The following ENTPD1 variants were observed in gnomAD, a reference collection of about 807,000 sequenced individuals.
ENTPD1 encodes the protein ectonucleoside triphosphate diphosphohydrolase 1.
Under a neutral mutation model 57.0 loss-of-function variants are expected in ENTPD1, and 33 were observed. The observed-to-expected ratio is 0.58, with a 90% CI of 0.44 to 0.77. The LOEUF (loss-of-function observed/expected upper bound fraction) is 0.77, where lower values mean the gene tolerates loss of function less well. Among genes scored for constraint, ENTPD1 ranks in the 30% least tolerant of loss-of-function variants. The probability of loss-of-function intolerance (pLI) is 0.00; values close to 1 mark genes in which losing one functional copy is unlikely to be tolerated. For missense variants in ENTPD1, 501 were observed against 603.4 expected, an observed-to-expected ratio of 0.83 and a Z score of 1.78; for synonymous variants, 202 against 218.8, an observed-to-expected ratio of 0.92 and a Z score of 0.68.
At chr10:95,769,197 TAAAGGC>T (rs2098104463) in intron 1 of ENTPD1, among the ~76,000 whole-genome samples, 2 of 152,224 alleles carry the variant, frequency 1.3e-5, no homozygotes, top group South Asian at 2.1e-4. Context: ...TCCAGAGGCA[TAAAGGC>T]ATTCAGGAAG....
intron 1 of ENTPD1, among the ~76,000 whole-genome samples, chr10:95,818,781 C>T (rs1012681518): frequency 1.3e-5 from 2 of 152,132 alleles, no homozygotes; most frequent in Non-Finnish European, 2.9e-5. Context: ...GTTGGAGGAA[C>T]GACAACGCCA....
rs796069594 is a variant in ENTPD1 at position 95,866,529 on chromosome 10, CCTTT to C, written c.*151_*154del. 164 of 1,519,396 alleles carry C rather than the reference CCTTT, an allele frequency of 1.1e-4. 2 individuals are homozygous for C. The African/African-American group carries it at 2.2e-3, about 20-fold the overall frequency. 94.1% of individuals were successfully genotyped at this position (1,519,396 alleles called of 1,614,324 possible). ...GAAGCTTCCTTGGCTTTTACTGAAG[CCTTT>C]CTTTTGGAGGTATTCAATATCCTTT... is the stretch of plus-strand genomic sequence containing the variant. On this transcript the variant is annotated 3_prime_UTR_variant, in exon 10 of 10. Transcript: ENST00000371205.
intron 1 of ENTPD1, among the ~76,000 whole-genome samples, chr10:95,773,316 T>G (rs888049883): frequency 6.6e-6 from 1 of 152,206 alleles, no homozygotes; most frequent in African/African-American, 2.4e-5. Flanking sequence ...GAATGGATGT[T>G]GTATTAGCAG....
At chr10:95,861,785 T>A (rs1008269885) in intron 8 of ENTPD1, 1 of 152,024 alleles carries the variant, frequency 6.6e-6, no homozygotes, top group Non-Finnish European at 1.5e-5. Flanking sequence ...CTGGTTTAGA[T>A]TAAAAGTTCT....
intron 7 of ENTPD1, among the ~76,000 whole-genome samples, chr10:95,848,896 C>T (rs1376409978): frequency 3.3e-5 from 5 of 152,140 alleles, no homozygotes; most frequent in South Asian, 4.1e-4. Flanking sequence ...AAAATCAGGA[C>T]TTCATAAGCG....
the ENTPD1 span, among the ~76,000 whole-genome samples, chr10:95,695,167 G>C: frequency 2.0e-5 from 3 of 152,110 alleles, no homozygotes; most frequent in East Asian, 5.8e-4. Flanking sequence ...GCCTCCTAAA[G>C]TGCTGGGATT....
At chr10:95,859,594 A>G (rs2098461729) in intron 7 of ENTPD1, among the ~76,000 whole-genome samples, 1 of 152,102 alleles carries the variant, frequency 6.6e-6, no homozygotes, top group Non-Finnish European at 1.5e-5. Flanking sequence ...AAAAACTGGC[A>G]CCTTTTTGGG....
the ENTPD1 span, among the ~76,000 whole-genome samples, chr10:95,700,131 A>G: frequency 1.3e-5 from 2 of 152,236 alleles, no homozygotes; most frequent in African/African-American, 2.4e-5. Context: ...AGATTTGAGA[A>G]GTAATCAATA....
chr10:95,768,236 G>C (rs2098098482), intron 1 of ENTPD1, among the ~76,000 whole-genome samples: 1 of 152,186 alleles, frequency 6.6e-6, no homozygotes, highest in African/African-American at 2.4e-5. Flanking sequence ...TAAGATAACT[G>C]GGTATAGACT....
At chr10:95,715,204 C>T (rs2097970131) in intron 1 of ENTPD1, among the ~76,000 whole-genome samples, 1 of 152,118 alleles carries the variant, frequency 6.6e-6, no homozygotes, top group Non-Finnish European at 1.5e-5. Flanking sequence ...GTCTCTTTCT[C>T]CTTTCAATTC....
upstream of ENTPD1, chr10:95,753,856 C>T (rs533620336): frequency 1.3e-5 from 2 of 151,910 alleles, no homozygotes; most frequent in South Asian, 4.2e-4. Context: ...ATTAGCCAGG[C>T]TTAGTGGTGC....
intron 1 of ENTPD1, among the ~76,000 whole-genome samples, chr10:95,731,843 T>C (rs2097989637): frequency 7.2e-6 from 1 of 138,458 alleles, no homozygotes; most frequent in Non-Finnish European, 1.5e-5. Context: ...AATACAGTGG[T>C]GTGATCTCGG....
intron 5 of ENTPD1, 76 bp from the exon 6 acceptor site, chr10:95,845,281 T>C: frequency 6.2e-7 from 1 of 1,605,844 alleles, no homozygotes; most frequent in Non-Finnish European, 8.5e-7. Flanking sequence ...CCTTAGGAAA[T>C]CCCTGACTCC....
At chr10:95,839,905 G>A (rs2098419042) in intron 3 of ENTPD1, 97 bp downstream of exon 3, 3 of 1,190,668 alleles carry the variant, frequency 2.5e-6, no homozygotes, top group South Asian at 1.2e-5. Flanking sequence ...GGAGTCCCAC[G>A]CATAGGAAGC....
intron 1 of ENTPD1, among the ~76,000 whole-genome samples, chr10:95,790,699 T>A (rs2098200372): frequency 6.6e-6 from 1 of 152,198 alleles, no homozygotes; most frequent in Non-Finnish European, 1.5e-5. Context: ...ATCATTTTAC[T>A]TGTAAGTACT....
At chr10:95,789,709 A>G (rs532692804) in intron 1 of ENTPD1, among the ~76,000 whole-genome samples, 2 of 152,346 alleles carry the variant, frequency 1.3e-5, no homozygotes, top group South Asian at 2.1e-4. Flanking sequence ...TAAAAAGTTA[A>G]CATTTATCAA....
chr10:95,789,072 T>C (rs1028226059), intron 1 of ENTPD1, among the ~76,000 whole-genome samples: 74 of 152,308 alleles, frequency 4.9e-4, no homozygotes, highest in African/African-American at 1.6e-3. Flanking sequence ...ATAGTGATCA[T>C]GGATGATGCA....
At chr10:95,838,105 T>C (rs2098414871) in intron 2 of ENTPD1, among the ~76,000 whole-genome samples, 1 of 152,312 alleles carries the variant, frequency 6.6e-6, no homozygotes, top group South Asian at 2.1e-4. Context: ...CTTCTCTTCC[T>C]TTCGCTTCCC....
At position 95,799,133 on chromosome 10, in the gene ENTPD1, CAATATCAGCT is replaced by C. The variant is rs578253664; in HGVS notation, c.17-24103_17-24094del. On this transcript the variant is annotated intron_variant, in intron 1 of 9. Transcript: ENST00000371205. ...GGCATAATACCCATTTAGGGATTAA[CAATATCAGCT>C]CATTTTTTAAACTTTTAAGCTCAGG... Among the ~76,000 whole-genome samples, 250 of 152,256 alleles carry C rather than the reference CAATATCAGCT, an allele frequency of 1.6e-3. 1 individual carries two copies. Among genetic ancestry groups the C allele is most frequent in the Non-Finnish European group, 2.7e-3 (187 of 68,002 alleles).
Sources: gnomAD v4.1 joint callset for allele counts (sites outside exome capture counted in the v4.1 genomes callset) on GRCh38, gnomAD v4.1.1 for gene constraint, MANE v1.5 for transcripts, NCBI Gene and HGNC (gene_info 2026-07-23, HGNC 2026-07-21) for gene names.